Variants in ERGIC1 observed in about 807,000 individuals in gnomAD.
The protein encoded by ERGIC1 is endoplasmic reticulum-golgi intermediate compartment 1.
ERGIC1 carries 19 observed loss-of-function variants against 38.3 expected under a neutral mutation model. The observed-to-expected ratio is 0.50, with a 90% confidence interval of 0.35 to 0.73. The LOEUF is 0.73. Among genes scored for constraint, ERGIC1 ranks in the 30% least tolerant of loss-of-function variants. The pLI is 0.01. For synonymous variants in ERGIC1, 124 were observed against 157.6 expected, an observed-to-expected ratio of 0.79 and a Z score of 1.60; for missense variants, 294 against 389.2, an observed-to-expected ratio of 0.76 and a Z score of 2.06.
intron 2 of ERGIC1, among the ~76,000 whole-genome samples, chr5:172,892,697 C>A (rs1762598857): frequency 6.6e-6 from 1 of 152,148 alleles, no homozygotes; most frequent in Non-Finnish European, 1.5e-5. Context: ...TATCAGAAGG[C>A]CTTTCTGGTT....
At chr5:172,862,206 G>GTGACCTCC (rs1392536202) in intron 1 of ERGIC1, among the ~76,000 whole-genome samples, 1 of 146,626 alleles carries the variant, frequency 6.8e-6, no homozygotes, top group Non-Finnish European at 1.5e-5. Context: ...GGCCAGGCTG[G>GTGACCTCC]TGACCTCCTG....
At chr5:172,861,405 A>G (rs991325241) in intron 1 of ERGIC1, among the ~76,000 whole-genome samples, 1 of 152,004 alleles carries the variant, frequency 6.6e-6, no homozygotes, top group Non-Finnish European at 1.5e-5. Flanking sequence ...CTTGTTTATT[A>G]TCTGTCCCCT....
chr5:172,890,887 T>C (rs1762544464), intron 2 of ERGIC1, among the ~76,000 whole-genome samples: 1 of 152,200 alleles, frequency 6.6e-6, no homozygotes, highest in African/African-American at 2.4e-5. Context: ...ACCTTGGGGA[T>C]CCGGCTGGGC....
intron 2 of ERGIC1, among the ~76,000 whole-genome samples, chr5:172,896,124 C>T (rs1009467574): frequency 1.3e-5 from 2 of 152,028 alleles, no homozygotes; most frequent in Non-Finnish European, 2.9e-5. Context: ...GGGCGGTTCA[C>T]TTGAGATCAG....
chr5:172,928,458 G>A (rs376292479), intron 7 of ERGIC1, among the ~76,000 whole-genome samples: 70 of 152,302 alleles, frequency 4.6e-4, no homozygotes, highest in East Asian at 1.5e-3. Flanking sequence ...AAACGCCACC[G>A]TCTCCAAGAA....
chr5:172,935,012 G>T, intron 8 of ERGIC1, 176 bp from the exon 9 acceptor site: 1 of 885,954 alleles, frequency 1.1e-6, no homozygotes, highest in East Asian at 2.5e-5. Context: ...GTGCACGGCA[G>T]AGTTCAGGGC....
In ERGIC1 at chr5:172,911,373, A is replaced by T. The variant is rs552716868; in HGVS notation, c.250+1612A>T. Among the ~76,000 whole-genome samples the T allele has an allele frequency of 2.6e-4, 40 of 152,260 alleles. No individual in the cohort carries two copies. In the South Asian group the frequency reaches 7.9e-3, roughly 30 times the overall value. On this transcript the variant is annotated intron_variant, in intron 4 of 9. Transcript: ENST00000393784. ...AGTGACTGTATCTCTGGAACAAGGA[A>T]ATTCTTAGTCAGACCAGAGGACTGG...
rs999934318 is a variant in ERGIC1, at chr5:172,920,675, C to T, written c.376-3330C>T. ...AGTGGGTTCCTGAGTCACAGCCTCG[C>T]ACGGCCCGGCAGGGGTGGCAGGTGC... is the stretch of plus-strand genomic sequence containing the variant. On this transcript the variant is annotated intron_variant, in intron 5 of 9. Coordinates refer to ENST00000393784, the MANE Select transcript of ERGIC1 (RefSeq NM_001031711.3). The T allele has an allele frequency of 2.2e-5, 12 of 543,612 alleles. No homozygotes were observed. In the South Asian group the frequency reaches 2.5e-4, roughly 11 times the overall value. 33.7% of individuals were successfully genotyped at this position (543,612 alleles called of 1,614,324 possible).
At chr5:172,908,092 A>G (rs1295613939) in intron 3 of ERGIC1, among the ~76,000 whole-genome samples, 2 of 151,524 alleles carry the variant, frequency 1.3e-5, no homozygotes, top group Non-Finnish European at 2.9e-5. Context: ...TGTGATGTCT[A>G]GGTCCCTGTC....
Position 172,839,871 on chromosome 5 carries a change from T to A in ERGIC1, c.20+5438T>A, listed in dbSNP as rs138205503. Among the ~76,000 whole-genome samples, 397 of 152,264 alleles carry A rather than the reference T, an allele frequency of 2.6e-3. 2 individuals carry two copies. The highest frequency in any genetic ancestry group is 5.8e-3 in the Admixed American group (89 of 15,294). On this transcript the variant is annotated intron_variant, in intron 1 of 9. Transcript: ENST00000393784. ...GTCGTTCCCGTTCCTGGAGCTGGGA[T>A]TGGAACACTGCCATTTGGCACCAGA...
chr5:172,870,259 C>A (rs906583728), intron 1 of ERGIC1, among the ~76,000 whole-genome samples: 1 of 152,162 alleles, frequency 6.6e-6, no homozygotes, highest in African/African-American at 2.4e-5. Flanking sequence ...TTACCTAATT[C>A]CCCAGATTTC....
intron 4 of ERGIC1, among the ~76,000 whole-genome samples, chr5:172,913,929 CCA>C (rs1161356539): frequency 6.6e-6 from 1 of 152,008 alleles, no homozygotes. Flanking sequence ...CCTATTCACC[CCA>C]TAAACCCAAA....
At chr5:172,893,425 G>A (rs1223859974) in intron 2 of ERGIC1, among the ~76,000 whole-genome samples, 2 of 152,108 alleles carry the variant, frequency 1.3e-5, no homozygotes, top group Non-Finnish European at 2.9e-5. Flanking sequence ...TGGGATTATA[G>A]GCATGAGCCA....
At chr5:172,886,846 C>T (rs976436891) in intron 1 of ERGIC1, among the ~76,000 whole-genome samples, 7 of 152,162 alleles carry the variant, frequency 4.6e-5, no homozygotes, top group Admixed American at 3.3e-4. Context: ...CATGCTCTTA[C>T]CTCTCACACA....
intron 1 of ERGIC1, among the ~76,000 whole-genome samples, chr5:172,882,336 G>T (rs536053335): frequency 6.6e-6 from 1 of 152,308 alleles, no homozygotes; most frequent in African/African-American, 2.4e-5. Flanking sequence ...GCTGTTGAAT[G>T]AATTAATGAA....
chr5:172,877,458 A>AT lies in ERGIC1; in HGVS notation c.21-11223dup, dbSNP rs56384349. 2.4e-3 allele frequency among the ~76,000 whole-genome samples: 205 copies of AT among 86,620 alleles called. 3 individuals are homozygous for AT. The highest frequency in any genetic ancestry group is 8.0e-3 in the South Asian group (20 of 2,510). 56.8% of individuals were successfully genotyped at this position (86,620 alleles called of 152,430 possible). On this transcript the variant is annotated intron_variant, in intron 1 of 9. Transcript: ENST00000393784. Reference sequence around the variant, plus strand: ...TGTGTGTGTATATATATATATATATATTTTTTTTTTTTTTTTTTGAGATGG... The same window carrying AT: ...TGTGTGTGTATATATATATATATATATTTTTTTTTTTTTTTTTTTGAGATGG...
In ERGIC1 at chr5:172,874,855, G is replaced by C. The variant is rs527237402; in HGVS notation, c.21-13844G>C. Among the ~76,000 whole-genome samples the C allele has an allele frequency of 2.6e-5, 4 of 151,568 alleles. No individual in the cohort carries two copies. The East Asian group carries it at 7.8e-4, about 29-fold the overall frequency. The stretch of plus-strand genomic sequence containing the variant: ...GGGAGGATCACCTGAGCCTAGGGAG[G>C]TTGGGGCAGCAGTGAGCCATGATCG... On this transcript the variant is annotated intron_variant, in intron 1 of 9. Transcript: ENST00000393784.
At chr5:172,858,074 C>T (rs372339078) in intron 1 of ERGIC1, among the ~76,000 whole-genome samples, 4 of 152,146 alleles carry the variant, frequency 2.6e-5, no homozygotes, top group African/African-American at 9.7e-5. Flanking sequence ...AAGCAGGGGG[C>T]TGTGAGGCCT....
chr5:172,847,715 G>A (rs920509081), intron 1 of ERGIC1, among the ~76,000 whole-genome samples: 4 of 152,152 alleles, frequency 2.6e-5, no homozygotes, highest in Middle Eastern at 3.2e-3. Context: ...GGGTTTCGCC[G>A]TGTTGACCAG....
Sources: gnomAD v4.1 joint callset for allele counts (sites outside exome capture counted in the v4.1 genomes callset) on GRCh38, gnomAD v4.1.1 for gene constraint, MANE v1.5 for transcripts, NCBI Gene and HGNC (gene_info 2026-07-23, HGNC 2026-07-21) for gene names.